The following TRPC7 variants were observed in gnomAD, a reference collection of about 807,000 sequenced individuals.
The protein encoded by TRPC7 is transient receptor potential cation channel subfamily C member 7, also known as short transient receptor potential channel 7.
TRPC7 carries 42 observed loss-of-function variants against 90.1 expected under a neutral mutation model. That is an observed-to-expected ratio of 0.47 (90% confidence interval 0.36 to 0.60). TRPC7 has a LOEUF of 0.60. TRPC7 is among the 20% of genes least tolerant of loss of function. The pLI, the probability that TRPC7 is intolerant of heterozygous loss-of-function variation, is 0.00. For synonymous variants in TRPC7, 451 were observed against 436.3 expected (o/e 1.03, Z -0.42); for missense variants, 955 against 1,112.3 (o/e 0.86, Z 2.01).
At chr5:136,322,175 CT>C (rs1459926673) in intron 2 of TRPC7, among the ~76,000 whole-genome samples, 1 of 151,974 alleles carries the variant, frequency 6.6e-6, no homozygotes, top group Non-Finnish European at 1.5e-5. Flanking sequence ...CCACCAAGCC[CT>C]GCTAATTTTT....
chr5:136,343,165 A>G (rs571846714), intron 2 of TRPC7, among the ~76,000 whole-genome samples: 2 of 152,358 alleles, frequency 1.3e-5, no homozygotes, highest in East Asian at 3.9e-4. Flanking sequence ...AAAAAGATGT[A>G]ATATAGAATA....
intron 2 of TRPC7, among the ~76,000 whole-genome samples, chr5:136,317,184 G>A (rs1324374902): frequency 2.0e-5 from 3 of 152,052 alleles, no homozygotes; most frequent in Non-Finnish European, 4.4e-5. Context: ...ATGACCTCTC[G>A]GCTCAGGCGT....
chr5:136,340,388 A>G (rs1423369355), intron 2 of TRPC7, among the ~76,000 whole-genome samples: 2 of 152,166 alleles, frequency 1.3e-5, no homozygotes, highest in Non-Finnish European at 2.9e-5. Context: ...TCTATTGCAC[A>G]ACATGGTAAC....
At chr5:136,285,643 C>T (rs553165791) in intron 3 of TRPC7, among the ~76,000 whole-genome samples, 2 of 152,292 alleles carry the variant, frequency 1.3e-5, no homozygotes, top group South Asian at 4.1e-4. Context: ...AGACACTACC[C>T]TCAGACTCTA....
At chr5:136,225,972 C>T in intron 9 of TRPC7, 62 bp downstream of exon 9, 2 of 1,436,478 alleles carry the variant, frequency 1.4e-6, no homozygotes, top group Middle Eastern at 2.1e-4. Flanking sequence ...CTCAAACACA[C>T]TCTAGACTCG....
At chr5:136,263,448 A>C (rs921399246) in intron 5 of TRPC7, among the ~76,000 whole-genome samples, 5 of 152,226 alleles carry the variant, frequency 3.3e-5, no homozygotes, top group African/African-American at 1.2e-4. Flanking sequence ...TTCAAGATGC[A>C]GGAAAAGGTC....
In TRPC7 at chr5:136,334,646, C is replaced by T. The variant is rs1156683811; in HGVS notation, c.781-18867G>A. ...TCCCACAGCCTTTTATTCTTTGGGT[C>T]CAATAGCCCTGTCAAAGTGCTCTCC... On this transcript the variant is annotated intron_variant, in intron 2 of 11. Coordinates refer to ENST00000513104, the MANE Select transcript of TRPC7 (RefSeq NM_020389.3). Among the ~76,000 whole-genome samples the T allele has an allele frequency of 2.0e-5, 3 of 152,206 alleles. No individual in the cohort carries two copies. The South Asian group carries it at 6.2e-4, about 31-fold the overall frequency.
intron 3 of TRPC7, chr5:136,303,631 G>A (rs1287941240): frequency 1.3e-5 from 2 of 151,958 alleles, no homozygotes; most frequent in African/African-American, 2.4e-5. Context: ...CCCACAGCCC[G>A]GGATTCCTCC....
intron 9 of TRPC7, 126 bp downstream of exon 9, chr5:136,225,908 G>C (rs1755611743): frequency 1.3e-6 from 1 of 743,216 alleles, no homozygotes; most frequent in South Asian, 1.8e-5. Context: ...CAGAGTACCG[G>C]CCCTCCCAGC....
chr5:136,322,700 A>G (rs1759236213), intron 2 of TRPC7, among the ~76,000 whole-genome samples: 3 of 152,274 alleles, frequency 2.0e-5, no homozygotes, highest in Non-Finnish European at 2.9e-5. Flanking sequence ...ATGGTATCTC[A>G]TTGGGATTTT....
In TRPC7 at chr5:136,345,560, C is replaced by CA. The variant is rs530830476; in HGVS notation, c.780+11047dup. 7.0e-3 allele frequency among the ~76,000 whole-genome samples: 1,018 copies of CA among 144,784 alleles called. 9 individuals carry two copies. The highest frequency in any genetic ancestry group is 0.036 in the East Asian group (177 of 4,982). 95.0% of individuals were successfully genotyped at this position (144,784 alleles called of 152,430 possible). A position where few individuals can be genotyped will look rare whatever the true frequency, so the allele number is the denominator to read the frequency against. ...TGGGTGACAGAGCGAGACTCCGCCT[C>CA]AAAAAAAAAAATGAGTCCTTTGTAG... On this transcript the variant is annotated intron_variant, in intron 2 of 11. Coordinates refer to ENST00000513104, the MANE Select transcript of TRPC7 (RefSeq NM_020389.3).
chr5:136,221,946 G>A (rs1325286412), intron 10 of TRPC7: 1 of 152,120 alleles, frequency 6.6e-6, no homozygotes, highest in African/African-American at 2.4e-5. Context: ...GTGAGTATGT[G>A]GGTCTGTATA....
chr5:136,216,130 G>A (rs945138716), intron 11 of TRPC7, 70 bp downstream of exon 11: 90 of 1,294,512 alleles, frequency 7.0e-5, no homozygotes, highest in Admixed American at 1.9e-4. Flanking sequence ...CACTGTGGCC[G>A]TAGCCCAGTG....
At chr5:136,265,069 T>C (rs1448641392) in intron 5 of TRPC7, among the ~76,000 whole-genome samples, 2 of 152,218 alleles carry the variant, frequency 1.3e-5, no homozygotes, top group East Asian at 3.8e-4. Context: ...TCTACTCTTG[T>C]AGCACTCTTG....
intron 4 of TRPC7, 36 bp from the exon 5 acceptor site, chr5:136,266,472 T>C: frequency 6.4e-7 from 1 of 1,569,376 alleles, no homozygotes. Flanking sequence ...TGTTAAACTG[T>C]CTCTAGGTGG....
chr5:136,220,176 A>C (rs1215056990), intron 10 of TRPC7, among the ~76,000 whole-genome samples: 1 of 152,228 alleles, frequency 6.6e-6, no homozygotes, highest in African/African-American at 2.4e-5. Flanking sequence ...TGTTTGAACA[A>C]TATGAAATCA....
At chr5:136,330,899 C>T (rs868624843) in intron 2 of TRPC7, among the ~76,000 whole-genome samples, 2 of 152,196 alleles carry the variant, frequency 1.3e-5, no homozygotes, top group Non-Finnish European at 2.9e-5. Flanking sequence ...ATCATCACCC[C>T]CTTTCTGAAA....
At chr5:136,283,732 G>T (rs923760749) in intron 3 of TRPC7, among the ~76,000 whole-genome samples, 1 of 152,202 alleles carries the variant, frequency 6.6e-6, no homozygotes, top group African/African-American at 2.4e-5. Context: ...GTCTTGACCA[G>T]ATTTCTTACT....
chr5:136,232,418 AGAGCT>A (rs1459788929), intron 7 of TRPC7, among the ~76,000 whole-genome samples: 1 of 152,192 alleles, frequency 6.6e-6, no homozygotes, highest in Non-Finnish European at 1.5e-5. Flanking sequence ...CTCCTGTTAC[AGAGCT>A]GAGGCTAGCC....
Sources: gnomAD v4.1 joint callset for allele counts (sites outside exome capture counted in the v4.1 genomes callset) on GRCh38, gnomAD v4.1.1 for gene constraint, MANE v1.5 for transcripts, NCBI Gene and HGNC (gene_info 2026-07-23, HGNC 2026-07-21) for gene names.